NBEAL2: variants seen among roughly 807,000 people sequenced by gnomAD.
NBEAL2 encodes neurobeachin-like protein 2.
A neutral mutation model predicts 299.8 loss-of-function variants in NBEAL2; 160 were observed. The ratio of observed to expected loss-of-function variants is 0.53; its 90% CI spans 0.47 to 0.61. The LOEUF (loss-of-function observed/expected upper bound fraction) is 0.61, where lower values mean the gene tolerates loss of function less well. Among genes scored for constraint, NBEAL2 ranks in the 20% least tolerant of loss-of-function variants. The pLI is 0.00. For missense variants in NBEAL2, 3,112 were observed against 3,649.0 expected (o/e 0.85, Z 3.79); for synonymous variants, 1,493 against 1,542.3 (o/e 0.97, Z 0.75).
Position 46,998,698 on chromosome 3 carries a change from G to A in NBEAL2, c.3222-19G>A, listed in dbSNP as rs757860948. ...GCCTTTCTTTGGGACCTGGCTGGGT[G>A]TGCCTACTGACCTGCCAGCCCGCAG... On this transcript the variant is annotated intron_variant, in intron 22 of 53. Transcript: ENST00000450053. 4 of 1,565,000 alleles carry A rather than the reference G, an allele frequency of 2.6e-6. No individual in the cohort carries two copies. The South Asian group carries it at 4.7e-5, about 18-fold the overall frequency.
Position 47,006,452 on chromosome 3 carries a change from G to A in NBEAL2, c.7134+3G>A. 1 of 1,568,964 alleles carries A rather than the reference G, an allele frequency of 6.4e-7. No individual in the cohort carries two copies. Among genetic ancestry groups the A allele is most frequent in the Non-Finnish European group, 8.6e-7 (1 of 1,156,354 alleles). On this transcript the variant is annotated splice_donor_region_variant and intron_variant, in intron 45 of 53. Coordinates refer to ENST00000450053, the MANE Select transcript of NBEAL2 (RefSeq NM_015175.3). ...AACTCAAGGCATTCTTCGCAGAGGT[G>A]AAAGGAAGACAAGACCTCAACTTTA... is the stretch of plus-strand genomic sequence containing the variant.
intron 20 of NBEAL2, 109 bp downstream of exon 20, chr3:46,997,803 G>A: frequency 1.4e-6 from 2 of 1,386,404 alleles, no homozygotes; most frequent in South Asian, 1.6e-5. Flanking sequence ...TGGGAGAGTT[G>A]CCACTTGAGT....
At chr3:47,008,237 C>T (rs1413973307) in intron 50 of NBEAL2, 46 bp from the exon 51 acceptor site, 1 of 1,613,022 alleles carries the variant, frequency 6.2e-7, no homozygotes, top group Non-Finnish European at 8.5e-7. Context: ...GGCAATCCCC[C>T]TGGAGCCCAG....
chr3:46,988,128 TGAGG>T lies in NBEAL2; in HGVS notation c.52-540_52-537del. 1 of 1,127,682 alleles carries T rather than the reference TGAGG, an allele frequency of 8.9e-7. No homozygotes were observed. Among genetic ancestry groups the T allele is most frequent in the Non-Finnish European group, 1.1e-6 (1 of 888,100 alleles). The allele number at this position is 1,127,682 out of a possible 1,614,324, so 69.9% of individuals were successfully genotyped here. A position where few individuals can be genotyped will look rare whatever the true frequency, so the allele number is the denominator to read the frequency against. ...TCCCGGGGCAAGGCAGGGCCGCACATGAGGATGTGCGCATGTCTGGGTCTGCCTG... is the reference window on the plus strand; with the variant it reads ...TCCCGGGGCAAGGCAGGGCCGCACATATGTGCGCATGTCTGGGTCTGCCTG... On this transcript the variant is annotated intron_variant, in intron 1 of 53. Transcript: ENST00000450053. The surrounding 1 kb of genome is among the most constrained non-coding windows in gnomAD (Gnocchi z 4.4).
intron 1 of NBEAL2, among the ~76,000 whole-genome samples, chr3:46,984,911 G>A (rs2035586059): frequency 6.6e-6 from 1 of 152,156 alleles, no homozygotes; most frequent in Non-Finnish European, 1.5e-5. Flanking sequence ...ACCTCGAGTT[G>A]GGTAGGTGTG....
chr3:46,992,121 C>T (rs1175150576), intron 9 of NBEAL2, among the ~76,000 whole-genome samples, 175 bp downstream of exon 9: 1 of 152,178 alleles, frequency 6.6e-6, no homozygotes, highest in African/African-American at 2.4e-5. Context: ...GGGCCCATCC[C>T]TTGGGGCCTC....
At position 46,991,205 on chromosome 3, in the gene NBEAL2, A is replaced by AC. The variant is rs2036057240; in HGVS notation, c.557-8dup. On this transcript the variant is annotated splice_polypyrimidine_tract_variant and intron_variant, in intron 6 of 53. Coordinates refer to ENST00000450053, the MANE Select transcript of NBEAL2 (RefSeq NM_015175.3). This position sits in a 1 kb window ranked among gnomAD's most constrained non-coding sequence, Gnocchi z 6.2. ...ACCTTGGTGACATTACCCTGCCCAC[A>AC]CCCCCCTACCCAGAGAGCCTACAGA... 2 of 1,593,568 alleles carry AC rather than the reference A, an allele frequency of 1.3e-6. No homozygotes were observed. The highest frequency in any genetic ancestry group is 1.6e-4 in the Middle Eastern group (1 of 6,062).
chr3:46,999,608 TC>T, intron 25 of NBEAL2, 21 bp from the exon 26 acceptor site: 7 of 1,599,586 alleles, frequency 4.4e-6, no homozygotes, highest in South Asian at 2.2e-5. Context: ...GTCCCTCAGG[TC>T]CCCCCAACCC....
In NBEAL2 at chr3:47,008,353, C is replaced by A. The variant is rs2037622285; in HGVS notation, c.7790C>A (p.Thr2597Lys). Residue 2597 changes from threonine to lysine, a missense_variant, in exon 51 of 54, where the codon ACA becomes AAA. By Grantham distance (78) the Thr-to-Lys change is moderately conservative (BLOSUM62 -1). Transcript: ENST00000450053. Reference protein sequence around the residue: ...FVAALRPLGATFPGPIFHLAL... With the variant: ...FVAALRPLGAKFPGPIFHLAL... The stretch of plus-strand genomic sequence containing the variant: ...GCGGCACTACGGCCTCTGGGTGCCA[C>A]ATTCCCTGGACCTATTTTCCACCTG... The A allele has an allele frequency of 6.2e-7, 1 of 1,613,672 alleles. No homozygotes were observed. The highest frequency in any genetic ancestry group is 1.3e-5 in the African/African-American group (1 of 75,058).
Position 47,005,109 on chromosome 3 carries a change from G to C in NBEAL2, c.6419+13G>C. Reference sequence around the variant, plus strand: ...TCGTGAGGGAGAAGTGAGCATGTGGGCAGGGCTGGGCTCAGCGGGTAGGGA... The same window carrying C: ...TCGTGAGGGAGAAGTGAGCATGTGGCCAGGGCTGGGCTCAGCGGGTAGGGA... On this transcript the variant is annotated intron_variant, in intron 39 of 53. Transcript: ENST00000450053. The C allele has an allele frequency of 1.2e-6, 2 of 1,613,890 alleles. No homozygotes were observed. The highest frequency in any genetic ancestry group is 1.7e-6 in the Non-Finnish European group (2 of 1,179,896).
chr3:46,982,920 G>A lies in NBEAL2; in HGVS notation c.51+3008G>A, dbSNP rs1226259663. ...TCTTGGGGGACTGGGGACAGCACCT[G>A]ACAGGCTGGCGGTTGGGCAGCCCAT... On this transcript the variant is annotated intron_variant, in intron 1 of 53. Transcript: ENST00000450053. This position sits in a 1 kb window ranked among gnomAD's most constrained non-coding sequence, Gnocchi z 4.2. 6.6e-6 allele frequency among the ~76,000 whole-genome samples: 1 copy of A among 152,182 alleles called. No homozygotes were observed. Among genetic ancestry groups the A allele is most frequent in the Non-Finnish European group, 1.5e-5 (1 of 68,040 alleles).
rs912302200 is a variant in NBEAL2, at chr3:46,989,236, A to G, written c.352-24A>G. ...GGCAGGCGGTAGCCATGGCGGGGCT[A>G]ACCCTCTCTCCCCACACCTACAGCT... On this transcript the variant is annotated intron_variant, in intron 4 of 53. Coordinates refer to ENST00000450053, the MANE Select transcript of NBEAL2 (RefSeq NM_015175.3). The surrounding 1 kb of genome is among the most constrained non-coding windows in gnomAD (Gnocchi z 5.5). The G allele has an allele frequency of 6.2e-7, 1 of 1,612,200 alleles. No individual in the cohort carries two copies. The highest frequency in any genetic ancestry group is 1.3e-5 in the African/African-American group (1 of 74,896).
At position 47,002,249 on chromosome 3, in the gene NBEAL2, T is replaced by C. The variant is rs1325757972; in HGVS notation, c.5112T>C (p.Phe1704=). The change falls in exon 31 of 54, where the codon TTT becomes TTC. Residue 1704 remains phenylalanine (F), a synonymous_variant. Transcript: ENST00000450053. Reference sequence around the variant, plus strand: ...CCTTCTTTGAAGACTTCCAGGCTTTTTGTGCCACACCCGAATGGCGCCACT... The same window carrying C: ...CCTTCTTTGAAGACTTCCAGGCTTTCTGTGCCACACCCGAATGGCGCCACT... ...SPTFFEDFQA[F]CATPEWRHFI... The C allele has an allele frequency of 5.8e-6, 9 of 1,554,228 alleles. No individual in the cohort carries two copies. Among genetic ancestry groups the C allele is most frequent in the Non-Finnish European group, 7.8e-6 (9 of 1,148,438 alleles).
In NBEAL2 at chr3:46,988,128, T is replaced by C. The variant is rs1676037497; in HGVS notation, c.52-541T>C. 8.9e-7 allele frequency: 1 copy of C among 1,127,564 alleles called. No homozygotes were observed. The highest frequency in any genetic ancestry group is 1.1e-6 in the Non-Finnish European group (1 of 888,108). The allele number at this position is 1,127,564 out of a possible 1,614,324, so 69.8% of individuals were successfully genotyped here. A position where few individuals can be genotyped will look rare whatever the true frequency, so the allele number is the denominator to read the frequency against. On this transcript the variant is annotated intron_variant, in intron 1 of 53. Coordinates refer to ENST00000450053, the MANE Select transcript of NBEAL2 (RefSeq NM_015175.3). The surrounding 1 kb of genome is among the most constrained non-coding windows in gnomAD (Gnocchi z 4.4). ...TCCCGGGGCAAGGCAGGGCCGCACA[T>C]GAGGATGTGCGCATGTCTGGGTCTG...
chr3:47,000,974 G>GC lies in NBEAL2; in HGVS notation c.4306-24dup, dbSNP rs1559608002. 1 of 1,569,724 alleles carries GC rather than the reference G, an allele frequency of 6.4e-7. No homozygotes were observed. Among genetic ancestry groups the GC allele is most frequent in the Admixed American group, 1.9e-5 (1 of 53,886 alleles). On this transcript the variant is annotated intron_variant, in intron 27 of 53. Coordinates refer to ENST00000450053, the MANE Select transcript of NBEAL2 (RefSeq NM_015175.3). The surrounding 1 kb of genome is among the most constrained non-coding windows in gnomAD (Gnocchi z 4.5). ...CCTCCCTTAGCCGCCCACAACCCACGCCCACACCACCCACCTGTGCCCACA... is the reference window on the plus strand; with the variant it reads ...CCTCCCTTAGCCGCCCACAACCCACGCCCCACACCACCCACCTGTGCCCACA...
chr3:46,998,822 C>A lies in NBEAL2; in HGVS notation c.3327C>A (p.Asp1109Glu), dbSNP rs143491739. Reference protein sequence around the residue: ...EFLVRSLSADDVQVTQTMLSF... With the variant: ...EFLVRSLSADEVQVTQTMLSF... ...TGGTGCGGAGTCTCTCAGCAGATGA[C>A]GTGCAGGTCACGCAGACCATGCTGA... Residue 1109 changes from aspartate to glutamate, a missense_variant, in exon 23 of 54, where the codon GAC becomes GAA. By Grantham distance (45) the Asp-to-Glu change is conservative (BLOSUM62 2). Coordinates refer to ENST00000450053, the MANE Select transcript of NBEAL2 (RefSeq NM_015175.3). The A allele has an allele frequency of 1.9e-6, 3 of 1,571,982 alleles. No homozygotes were observed. The highest frequency in any genetic ancestry group is 8.6e-7 in the Non-Finnish European group (1 of 1,158,888).
At chr3:46,983,072 C>G (rs1057496464) in intron 1 of NBEAL2, among the ~76,000 whole-genome samples, 1 of 152,124 alleles carries the variant, frequency 6.6e-6, no homozygotes, top group African/African-American at 2.4e-5. Context: ...GAAGGGCACT[C>G]AGGGTCACAA....
In NBEAL2 at chr3:47,009,042, C is replaced by G. The variant is rs1163040839; in HGVS notation, c.8081C>G (p.Ala2694Gly). ...LPMKVAIRSV[A>G]VTKERSHVLV... ...ATGAAGGTGGCCATCCGCAGCGTGG[C>G]CGTGACCAAGGAGCGCAGCCACGTG... Residue 2694 changes from alanine (A) to glycine (G), a missense_variant, in exon 53 of 54, where the codon GCC becomes GGC. Ala to Gly is a moderately conservative substitution (Grantham distance 60). Coordinates refer to ENST00000450053, the MANE Select transcript of NBEAL2 (RefSeq NM_015175.3). 6.2e-7 allele frequency: 1 copy of G among 1,601,724 alleles called. No homozygotes were observed. The highest frequency in any genetic ancestry group is 8.5e-7 in the Non-Finnish European group (1 of 1,179,790).
In NBEAL2 at chr3:46,998,812, C is replaced by T. The variant is rs570271249; in HGVS notation, c.3317C>T (p.Ser1106Leu). Residue 1106 changes from serine to leucine, a missense_variant, in exon 23 of 54, where the codon TCA becomes TTA. By Grantham distance (145) the Ser-to-Leu change is moderately radical. Coordinates refer to ENST00000450053, the MANE Select transcript of NBEAL2 (RefSeq NM_015175.3). ...LAREFLVRSLSADDVQVTQTM... is the reference protein window; with the variant it reads ...LAREFLVRSLLADDVQVTQTM... Reference sequence around the variant, plus strand: ...AGGGAGTTCCTGGTGCGGAGTCTCTCAGCAGATGACGTGCAGGTCACGCAG... The same window carrying T: ...AGGGAGTTCCTGGTGCGGAGTCTCTTAGCAGATGACGTGCAGGTCACGCAG... 1.3e-6 allele frequency: 2 copies of T among 1,568,974 alleles called. No individual in the cohort carries two copies. Among genetic ancestry groups the T allele is most frequent in the African/African-American group, 1.4e-5 (1 of 74,070 alleles).
Sources: gnomAD v4.1 joint callset for allele counts (sites outside exome capture counted in the v4.1 genomes callset) on GRCh38, gnomAD v4.1.1 for gene constraint, Gnocchi (gnomAD v3.1) non-coding constraint, MANE v1.5 for transcripts, NCBI Gene and HGNC (gene_info 2026-07-23, HGNC 2026-07-21) for gene names.